Variants in XIRP2 observed in about 807,000 individuals in gnomAD.
The protein encoded by XIRP2 is xin actin binding repeat containing 2, also known as xin actin-binding repeat-containing protein 2.
A neutral mutation model predicts 277.0 loss-of-function variants in XIRP2; 236 were observed. The ratio of observed to expected loss-of-function variants is 0.85; its 90% CI spans 0.77 to 0.95. The LOEUF is 0.95. XIRP2 is among the 40% of genes least tolerant of loss of function. XIRP2 has a pLI of 0.00. For missense variants in XIRP2, 4,640 were observed against 4,157.5 expected, an observed-to-expected ratio of 1.12 and a Z score of -3.19; for synonymous variants, 1,490 against 1,416.5, an observed-to-expected ratio of 1.05 and a Z score of -1.17.
At chr2:167,096,936 G>C (rs990839070) in intron 2 of XIRP2, among the ~76,000 whole-genome samples, 1 of 152,036 alleles carries the variant, frequency 6.6e-6, no homozygotes, top group Admixed American at 6.6e-5. Context: ...CCATTCTTTT[G>C]CATTTGCCGA....
chr2:167,257,983 CAAAAACCAAAGCAG>C lies in XIRP2; in HGVS notation c.*168_*181del. Reference sequence around the variant, plus strand: ...AGCAGCATAAAGATAGATGGAACTGCAAAAACCAAAGCAGATCAGTGGACTTTATTCCTAATGAA... The same window carrying C: ...AGCAGCATAAAGATAGATGGAACTGCATCAGTGGACTTTATTCCTAATGAA... On this transcript the variant is annotated 3_prime_UTR_variant, in exon 11 of 11. Coordinates refer to ENST00000409195, the MANE Select transcript of XIRP2 (RefSeq NM_152381.6). 1 of 1,613,000 alleles carries C rather than the reference CAAAAACCAAAGCAG, an allele frequency of 6.2e-7. No homozygotes were observed. The highest frequency in any genetic ancestry group is 8.5e-7 in the Non-Finnish European group (1 of 1,179,404).
chr2:167,150,182 AG>A (rs1691974815), intron 3 of XIRP2, among the ~76,000 whole-genome samples: 1 of 152,064 alleles, frequency 6.6e-6, no homozygotes, highest in Non-Finnish European at 1.5e-5. Context: ...CTAATAATTG[AG>A]GAAATAAAAA....
At chr2:167,031,268 A>G (rs779683762) in intron 2 of XIRP2, among the ~76,000 whole-genome samples, 1 of 151,962 alleles carries the variant, frequency 6.6e-6, no homozygotes, top group Non-Finnish European at 1.5e-5. Flanking sequence ...CCATTAGTTG[A>G]TGCAGTTTCT....
At position 167,243,138 on chromosome 2, in the gene XIRP2, G is replaced by C. The variant is rs1259440456; in HGVS notation, c.1746G>C (p.Glu582Asp). Residue 582 changes from glutamate to aspartate, a missense_variant, in exon 9 of 11, where the codon GAG (glutamate) becomes GAC (aspartate). Coordinates refer to ENST00000409195, the MANE Select transcript of XIRP2 (RefSeq NM_152381.6). The stretch of plus-strand genomic sequence containing the variant: ...TGCAGTCCATTAGATGGATCTTTGA[G>C]AATCAACCATTGGATTCCATCAACA... Reference protein sequence around the residue: ...GEVQSIRWIFENQPLDSINNG... With the variant: ...GEVQSIRWIFDNQPLDSINNG... The C allele has an allele frequency of 3.1e-6, 5 of 1,614,074 alleles. No homozygotes were observed. Among genetic ancestry groups the C allele is most frequent in the Non-Finnish European group, 4.2e-6 (5 of 1,179,974 alleles).
chr2:167,236,111 G>A (rs1244905641), intron 5 of XIRP2, among the ~76,000 whole-genome samples: 3 of 151,722 alleles, frequency 2.0e-5, no homozygotes, highest in Admixed American at 6.6e-5. Flanking sequence ...CTGTATTACT[G>A]GCATTGAACA....
chr2:166,978,321 C>T (rs1363625003), intron 2 of XIRP2, among the ~76,000 whole-genome samples: 1 of 152,112 alleles, frequency 6.6e-6, no homozygotes, highest in Non-Finnish European at 1.5e-5. Context: ...AAGCCTCAGA[C>T]ATTTTTATTC....
intron 2 of XIRP2, among the ~76,000 whole-genome samples, chr2:167,090,321 T>C (rs1690103757): frequency 6.6e-6 from 1 of 152,150 alleles, no homozygotes; most frequent in African/African-American, 2.4e-5. Context: ...ATGTAGTTTA[T>C]ATTGATGTCC....
At chr2:166,893,312 T>C (rs1189325746) in intron 1 of XIRP2, among the ~76,000 whole-genome samples, 1 of 152,096 alleles carries the variant, frequency 6.6e-6, no homozygotes, top group Non-Finnish European at 1.5e-5. Context: ...TATTTTCTCT[T>C]CAAAAATGTA....
In XIRP2 at chr2:167,247,314, T is replaced by G; in HGVS notation, c.5922T>G (p.Asn1974Lys). ...AGGTTGCTGTCCAGAGGAACAAAAATAGTCTTCTTCAGCCAAAGCCAGGTC... is the reference window on the plus strand; with the variant it reads ...AGGTTGCTGTCCAGAGGAACAAAAAGAGTCTTCTTCAGCCAAAGCCAGGTC... ...IHQVAVQRNKNSLLQPKPGPF... is the reference protein window; with the variant it reads ...IHQVAVQRNKKSLLQPKPGPF... The change falls in exon 9 of 11, where the codon AAT (asparagine) becomes AAG (lysine). Residue 1974 changes from asparagine to lysine, a missense_variant. Coordinates refer to ENST00000409195, the MANE Select transcript of XIRP2 (RefSeq NM_152381.6). 6.2e-7 allele frequency: 1 copy of G among 1,613,618 alleles called. No individual in the cohort carries two copies. The highest frequency in any genetic ancestry group is 8.5e-7 in the Non-Finnish European group (1 of 1,179,810).
chr2:167,099,078 G>A lies in XIRP2; in HGVS notation c.409-36831G>A, dbSNP rs552146791. On this transcript the variant is annotated intron_variant, in intron 2 of 10. Transcript: ENST00000409195. ...CTCTTCAGAGCCAGCAGGAAGGAAC[G>A]TTTAAGTTTGCTGAAGCTGTGTCCA... Among the ~76,000 whole-genome samples the A allele has an allele frequency of 2.0e-4, 31 of 152,318 alleles. No individual in the cohort carries two copies. In the South Asian group the frequency reaches 6.2e-3, roughly 31 times the overall value.
intron 3 of XIRP2, among the ~76,000 whole-genome samples, chr2:167,143,987 T>C (rs563158727): frequency 2.5e-4 from 38 of 152,260 alleles, no homozygotes; most frequent in Non-Finnish European, 4.3e-4. Context: ...ATGTCTATTG[T>C]CTCTACATTA....
intron 2 of XIRP2, among the ~76,000 whole-genome samples, chr2:166,977,450 A>G (rs960395327): frequency 3.9e-5 from 6 of 152,168 alleles, no homozygotes; most frequent in African/African-American, 1.2e-4. Context: ...AATTTGGAAG[A>G]TATTTATAGT....
At chr2:166,954,591 T>C (rs943081615) in intron 2 of XIRP2, among the ~76,000 whole-genome samples, 1 of 151,836 alleles carries the variant, frequency 6.6e-6, no homozygotes, top group Non-Finnish European at 1.5e-5. Context: ...GGAACATAAA[T>C]CATTCTGTTA....
At chr2:166,934,712 T>C (rs181495196) in intron 2 of XIRP2, among the ~76,000 whole-genome samples, 1 of 152,196 alleles carries the variant, frequency 6.6e-6, no homozygotes, top group African/African-American at 2.4e-5. Flanking sequence ...GCCACTTTCC[T>C]CTCAAAAATG....
chr2:166,965,137 G>T (rs982319459), intron 2 of XIRP2, among the ~76,000 whole-genome samples: 1 of 151,874 alleles, frequency 6.6e-6, no homozygotes, highest in African/African-American at 2.4e-5. Flanking sequence ...GAACAAATTA[G>T]TCATGTGGCC....
intron 3 of XIRP2, among the ~76,000 whole-genome samples, chr2:167,201,328 G>T: frequency 6.8e-6 from 1 of 146,842 alleles, no homozygotes; most frequent in Non-Finnish European, 1.5e-5. Context: ...AACGAAGGAA[G>T]GAAGGAAGGA....
intron 2 of XIRP2, among the ~76,000 whole-genome samples, chr2:166,930,063 G>A (rs964770274): frequency 2.6e-5 from 4 of 152,128 alleles, no homozygotes; most frequent in African/African-American, 9.7e-5. Context: ...AAATTCTTTT[G>A]AGTATAGTTT....
At chr2:166,957,181 A>G (rs551703367) in intron 2 of XIRP2, among the ~76,000 whole-genome samples, 1 of 151,624 alleles carries the variant, frequency 6.6e-6, no homozygotes, top group Non-Finnish European at 1.5e-5. Context: ...CTTAGTCACT[A>G]GTCAAAGGAT....
At chr2:167,026,969 A>T (rs1334799047) in intron 2 of XIRP2, among the ~76,000 whole-genome samples, 1 of 151,852 alleles carries the variant, frequency 6.6e-6, no homozygotes, top group Non-Finnish European at 1.5e-5. Flanking sequence ...GGTGAATCTG[A>T]CAATTATGTG....
Sources: gnomAD v4.1 joint callset for allele counts (sites outside exome capture counted in the v4.1 genomes callset) on GRCh38, gnomAD v4.1.1 for gene constraint, MANE v1.5 for transcripts, NCBI Gene and HGNC (gene_info 2026-07-23, HGNC 2026-07-21) for gene names.